The following IL7 variants were observed in gnomAD, a reference collection of about 807,000 sequenced individuals.
The protein encoded by IL7 is interleukin 7.
Under a neutral mutation model 21.6 loss-of-function variants are expected in IL7, and 3 were observed. That is an observed-to-expected ratio of 0.14 (90% confidence interval 0.06 to 0.36). The LOEUF is 0.36. Among genes scored for constraint, IL7 ranks in the 10% least tolerant of loss-of-function variants. IL7 has a pLI of 1.00. For synonymous variants in IL7, 62 were observed against 68.1 expected (o/e 0.91, Z 0.44); for missense variants, 175 against 200.2 (o/e 0.87, Z 0.76).
intron 2 of IL7, among the ~76,000 whole-genome samples, chr8:78,776,838 C>A (rs761109075): frequency 5.8e-4 from 89 of 152,164 alleles, no homozygotes; most frequent in Non-Finnish European, 1.0e-3. Context: ...TGTCACATAG[C>A]TAGCAAGTGG....
chr8:78,792,423 A>G (rs1385712302), intron 2 of IL7, among the ~76,000 whole-genome samples: 1 of 152,156 alleles, frequency 6.6e-6, no homozygotes, highest in Non-Finnish European at 1.5e-5. Flanking sequence ...ACAAGAGTAA[A>G]TGAATTGGAC....
At chr8:78,767,376 C>T (rs1300805160) in intron 2 of IL7, among the ~76,000 whole-genome samples, 1 of 151,644 alleles carries the variant, frequency 6.6e-6, no homozygotes, top group African/African-American at 2.4e-5. Flanking sequence ...GTTCCTTTTC[C>T]TTTATTTTAT....
intron 3 of IL7, among the ~76,000 whole-genome samples, chr8:78,724,318 A>G (rs558602856): frequency 6.6e-5 from 10 of 152,170 alleles, no homozygotes; most frequent in Middle Eastern, 3.4e-3. Flanking sequence ...TTGCCATGCT[A>G]TTGTTGGGCT....
chr8:78,744,657 A>G (rs957892574), intron 2 of IL7, among the ~76,000 whole-genome samples: 2 of 152,144 alleles, frequency 1.3e-5, no homozygotes, highest in Non-Finnish European at 2.9e-5. Flanking sequence ...ACAAGGATCT[A>G]ATCTCCTGCT....
At chr8:78,685,236 A>G (rs575552494) in intron 4 of IL7, among the ~76,000 whole-genome samples, 30 of 131,818 alleles carry the variant, frequency 2.3e-4, no homozygotes, top group African/African-American at 7.7e-4. Flanking sequence ...TCACTAAAGG[A>G]TAGGACAACT....
intron 2 of IL7, among the ~76,000 whole-genome samples, chr8:78,769,284 C>A (rs1418461989): frequency 6.6e-6 from 1 of 151,898 alleles, no homozygotes; most frequent in Admixed American, 6.6e-5. Flanking sequence ...TCTAGAAAAC[C>A]CCATTGTCTC....
chr8:78,702,320 C>T (rs779153738), intron 3 of IL7, among the ~76,000 whole-genome samples: 32 of 151,968 alleles, frequency 2.1e-4, no homozygotes, highest in Non-Finnish European at 3.5e-4. Context: ...TAATACCCCT[C>T]TTGTCATTTC....
chr8:78,698,420 CTTCAGGT>C, intron 3 of IL7: 1 of 1,610,520 alleles, frequency 6.2e-7, no homozygotes, highest in Non-Finnish European at 8.5e-7. Flanking sequence ...TAAGGTGTTC[CTTCAGGT>C]AAAGTGTCTT....
intron 2 of IL7, among the ~76,000 whole-genome samples, chr8:78,789,616 T>C (rs1381984872): frequency 2.6e-5 from 4 of 152,032 alleles, no homozygotes; most frequent in Non-Finnish European, 5.9e-5. Context: ...TCAAGCATCA[T>C]TAAAAAGGCC....
chr8:78,799,262 A>T (rs1291733032), intron 1 of IL7, among the ~76,000 whole-genome samples: 1 of 152,146 alleles, frequency 6.6e-6, no homozygotes, highest in Non-Finnish European at 1.5e-5. Context: ...CCAAGGAACT[A>T]ATATTGTGAC....
intron 2 of IL7, among the ~76,000 whole-genome samples, chr8:78,757,129 A>AT (rs1812374871): frequency 6.7e-6 from 1 of 150,274 alleles, no homozygotes; most frequent in Non-Finnish European, 1.5e-5. Context: ...TTTGATCTTC[A>AT]TTTTTTCATT....
chr8:78,724,051 G>C (rs1234129834), intron 3 of IL7: 1 of 162,128 alleles, frequency 6.2e-6, no homozygotes, highest in African/African-American at 2.4e-5. Context: ...GCGTGGGAAA[G>C]ATGCTAAAAG....
intron 1 of IL7, among the ~76,000 whole-genome samples, chr8:78,801,089 A>G (rs979269867): frequency 2.0e-5 from 3 of 152,178 alleles, no homozygotes; most frequent in African/African-American, 7.2e-5. Flanking sequence ...TACTTTCTCA[A>G]TTTTAAAACA....
chr8:78,792,180 A>G (rs1813720034), intron 2 of IL7, among the ~76,000 whole-genome samples: 1 of 152,098 alleles, frequency 6.6e-6, no homozygotes, highest in South Asian at 2.1e-4. Flanking sequence ...CAGACATTCA[A>G]TGAGGGAAAA....
intron 2 of IL7, chr8:78,761,958 G>A: frequency 6.2e-7 from 1 of 1,610,060 alleles, no homozygotes; most frequent in South Asian, 1.1e-5. Context: ...TTCTCTTCAA[G>A]GGTTAGAGGT....
At position 78,761,919 on chromosome 8, in the gene IL7, G is replaced by A. The variant is rs2130764598; in HGVS notation, c.148-21837C>T. On this transcript the variant is annotated intron_variant, in intron 2 of 5. Transcript: ENST00000263851. ...CTTCCCATCAGAATCAAGATTTCAA[G>A]TAGATATTTGAGGTATTCTTTGTTT... The A allele has an allele frequency of 1.9e-6, 3 of 1,611,318 alleles. No homozygotes were observed. In the Admixed American group the frequency reaches 5.0e-5, roughly 27 times the overall value.
chr8:78,735,298 T>C (rs1191154556), intron 5 of IL7, among the ~76,000 whole-genome samples: 2 of 134,126 alleles, frequency 1.5e-5, no homozygotes, highest in African/African-American at 6.3e-5. Flanking sequence ...TTTTTGTTTT[T>C]TTTTTTTTGC....
intron 3 of IL7, among the ~76,000 whole-genome samples, chr8:78,725,045 C>G (rs976752788): frequency 6.6e-6 from 1 of 151,924 alleles, no homozygotes; most frequent in African/African-American, 2.4e-5. Flanking sequence ...TGGCTAGCAC[C>G]TTTTGAAAAT....
At chr8:78,761,294 G>C in intron 2 of IL7, 1 of 1,610,826 alleles carries the variant, frequency 6.2e-7, no homozygotes, top group Non-Finnish European at 8.5e-7. Flanking sequence ...TAATGCAACA[G>C]ATACTCCCAT....
Sources: gnomAD v4.1 joint callset for allele counts (sites outside exome capture counted in the v4.1 genomes callset) on GRCh38, gnomAD v4.1.1 for gene constraint, MANE v1.5 for transcripts, NCBI Gene and HGNC (gene_info 2026-07-23, HGNC 2026-07-21) for gene names.